The following KIFC3 variants were observed in gnomAD, a reference collection of about 807,000 sequenced individuals.
KIFC3 encodes kinesin family member C3.
Under a neutral mutation model 101.8 loss-of-function variants are expected in KIFC3, and 60 were observed. The ratio of observed to expected loss-of-function variants is 0.59; its 90% CI spans 0.48 to 0.73. The LOEUF is 0.73. Among genes scored for constraint, KIFC3 ranks in the 30% least tolerant of loss-of-function variants. KIFC3 has a pLI of 0.00. For synonymous variants in KIFC3, 476 were observed against 482.7 expected (o/e 0.99, Z 0.18); for missense variants, 966 against 1,137.1 (o/e 0.85, Z 2.16).
chr16:57,832,327 T>TTA (rs1394513612), intron 1 of KIFC3, among the ~76,000 whole-genome samples: 2 of 116,428 alleles, frequency 1.7e-5, no homozygotes, highest in Admixed American at 8.3e-5. Flanking sequence ...GGCCCTTTTT[T>TTA]TTTTTTTTTT....
intron 1 of KIFC3, among the ~76,000 whole-genome samples, chr16:57,814,873 C>T (rs562511413): frequency 7.2e-5 from 11 of 152,248 alleles, no homozygotes; most frequent in African/African-American, 2.4e-4. Flanking sequence ...CCACGAACCT[C>T]GGCCTCCCAA....
intron 18 of KIFC3, 144 bp downstream of exon 18, chr16:57,759,584 C>A (rs1555593504): frequency 1.4e-5 from 9 of 629,302 alleles, no homozygotes; most frequent in African/African-American, 3.7e-5. Flanking sequence ...TGCCTGGGGG[C>A]AGGGGAGGTT....
At chr16:57,783,602 A>G (rs1555616063) in intron 3 of KIFC3, among the ~76,000 whole-genome samples, 2 of 151,126 alleles carry the variant, frequency 1.3e-5, no homozygotes, top group Non-Finnish European at 2.9e-5. Flanking sequence ...CCTCCCAAGT[A>G]GTTAAGATTA....
At chr16:57,791,992 C>G (rs2053909987) in intron 3 of KIFC3, among the ~76,000 whole-genome samples, 1 of 152,216 alleles carries the variant, frequency 6.6e-6, no homozygotes, top group Non-Finnish European at 1.5e-5. Context: ...GTGTTCAGAT[C>G]AGGGGCTGGG....
intron 3 of KIFC3, among the ~76,000 whole-genome samples, chr16:57,786,235 C>T (rs1200032726): frequency 6.6e-6 from 1 of 152,120 alleles, no homozygotes; most frequent in African/African-American, 2.4e-5. Context: ...CTCAGCCAGC[C>T]GGCACCTAGC....
upstream of KIFC3, among the ~76,000 whole-genome samples, chr16:57,805,993 C>A (rs1243340197): frequency 6.6e-6 from 1 of 152,144 alleles, no homozygotes; most frequent in Non-Finnish European, 1.5e-5. Flanking sequence ...CCCGCCTCAA[C>A]CTCCCAAAGT....
chr16:57,771,829 A>G (rs1555608882), intron 4 of KIFC3, 143 bp from the exon 5 acceptor site: 1 of 1,070,556 alleles, frequency 9.3e-7, no homozygotes, highest in Non-Finnish European at 1.3e-6. Context: ...AAGAAAAAGA[A>G]AAAGGCAAGG....
chr16:57,810,166 C>T (rs1287052054), intron 1 of KIFC3, among the ~76,000 whole-genome samples: 4 of 152,066 alleles, frequency 2.6e-5, no homozygotes, highest in Admixed American at 6.6e-5. Flanking sequence ...GGGCTCCTTG[C>T]AGTAAGTCAA....
chr16:57,771,567 G>A lies in KIFC3; in HGVS notation c.501C>T (p.Pro167=). ...LQELRTKPAG[P]CPGCEHSQES... The stretch of plus-strand genomic sequence containing the variant: ...CCTGGCTGTGCTCACAACCTGGGCA[G>A]GGACCTGCTGGCTTTGTGCGCAGCT... Residue 167 remains proline, a synonymous_variant, in exon 5 of 20, where the codon CCC becomes CCT. Coordinates refer to ENST00000445690, the MANE Select transcript of KIFC3 (RefSeq NM_001130100.2). 6.2e-7 allele frequency: 1 copy of A among 1,613,402 alleles called. No homozygotes were observed. The highest frequency in any genetic ancestry group is 8.5e-7 in the Non-Finnish European group (1 of 1,179,928).
chr16:57,795,272 A>G, intron 2 of KIFC3, 131 bp from the exon 3 acceptor site: 2 of 1,117,390 alleles, frequency 1.8e-6, no homozygotes, highest in Non-Finnish European at 2.5e-6. Context: ...TGTGGCCAGG[A>G]GGGGCTCACA....
At chr16:57,808,083 G>A (rs2054983575), upstream of KIFC3, 1 of 152,072 alleles carries the variant, frequency 6.6e-6, no homozygotes, top group Non-Finnish European at 1.5e-5. Flanking sequence ...TCAGTTTAGG[G>A]GAACCTAAAG....
At chr16:57,861,567 G>GT (rs1959272805) in intron 1 of KIFC3, among the ~76,000 whole-genome samples, 1 of 152,206 alleles carries the variant, frequency 6.6e-6, no homozygotes. Flanking sequence ...AGGAAGGACC[G>GT]TGGACCCAGC....
At chr16:57,823,829 A>G (rs1418598564) in intron 1 of KIFC3, among the ~76,000 whole-genome samples, 1 of 145,762 alleles carries the variant, frequency 6.9e-6, no homozygotes, top group Non-Finnish European at 1.5e-5. Flanking sequence ...GTGTTTCACC[A>G]CGTTGGCCAG....
intron 3 of KIFC3, among the ~76,000 whole-genome samples, chr16:57,786,073 C>A (rs539956841): frequency 2.4e-4 from 37 of 152,328 alleles, no homozygotes; most frequent in African/African-American, 8.4e-4. Context: ...AAGTCTCAAA[C>A]CCTCTCAAGA....
intron 1 of KIFC3, among the ~76,000 whole-genome samples, chr16:57,828,469 G>T (rs1303186126): frequency 1.5e-4 from 23 of 152,240 alleles, no homozygotes; most frequent in African/African-American, 5.5e-4. Context: ...CAACGTGGGT[G>T]GCGGGAGGGA....
chr16:57,783,477 T>TTC (rs2052973280), intron 3 of KIFC3, among the ~76,000 whole-genome samples: 1 of 146,980 alleles, frequency 6.8e-6, no homozygotes, highest in Non-Finnish European at 1.5e-5. Flanking sequence ...CTTTTCTTTT[T>TTC]TTTTTTTTTT....
chr16:57,816,572 G>A (rs781813999), intron 1 of KIFC3: 12 of 456,584 alleles, frequency 2.6e-5, no homozygotes, highest in East Asian at 6.9e-5. Context: ...TCTGAGTGGC[G>A]GAGGAATGTT....
chr16:57,814,032 C>T (rs1249294562), intron 1 of KIFC3: 1 of 187,832 alleles, frequency 5.3e-6, no homozygotes, highest in Non-Finnish European at 9.9e-6. Flanking sequence ...AACCACTGCA[C>T]CACACTGCCT....
At chr16:57,778,521 G>A (rs922677274) in intron 3 of KIFC3, among the ~76,000 whole-genome samples, 7 of 152,196 alleles carry the variant, frequency 4.6e-5, no homozygotes, top group South Asian at 2.1e-4. Context: ...GAAAATACTC[G>A]CAAATCATTT....
Sources: allele counts gnomAD v4.1 joint callset (sites outside exome capture counted in the v4.1 genomes callset), GRCh38; gene constraint gnomAD v4.1.1; transcripts MANE v1.5; gene names NCBI Gene and HGNC (gene_info 2026-07-23, HGNC 2026-07-21).